The following ROBO1 variants were observed in gnomAD, a reference collection of about 807,000 sequenced individuals.
ROBO1 encodes the protein roundabout homolog 1.
A neutral mutation model predicts 195.9 loss-of-function variants in ROBO1; 149 were observed. That is an observed-to-expected ratio of 0.76 (90% CI 0.67 to 0.87). The LOEUF is 0.87. Among genes scored for constraint, ROBO1 ranks in the 40% least tolerant of loss-of-function variants. The probability of loss-of-function intolerance (pLI) is 0.00; values close to 1 mark genes in which losing one functional copy is unlikely to be tolerated. For synonymous variants in ROBO1, 816 were observed against 733.2 expected (o/e 1.11, Z -1.82); for missense variants, 1,933 against 2,068.3 (o/e 0.93, Z 1.27).
chr3:78,839,659 C>G (rs539626323), intron 4 of ROBO1, among the ~76,000 whole-genome samples: 4 of 152,122 alleles, frequency 2.6e-5, no homozygotes, highest in African/African-American at 9.7e-5. Context: ...CATGATTTAT[C>G]AACTTTAATC....
At chr3:78,734,651 T>C (rs555065465) in intron 5 of ROBO1, among the ~76,000 whole-genome samples, 1 of 151,886 alleles carries the variant, frequency 6.6e-6, no homozygotes, top group Admixed American at 6.6e-5. Context: ...CTCAGGAGAT[T>C]TAAGAGAATA....
intron 1 of ROBO1, among the ~76,000 whole-genome samples, chr3:79,621,524 A>G (rs1243332985): frequency 6.6e-6 from 1 of 152,192 alleles, no homozygotes; most frequent in African/African-American, 2.4e-5. Context: ...GAAGCATCAA[A>G]TCACCTATAA....
At chr3:79,465,658 C>T (rs945616569) in intron 2 of ROBO1, among the ~76,000 whole-genome samples, 1 of 152,048 alleles carries the variant, frequency 6.6e-6, no homozygotes, top group Non-Finnish European at 1.5e-5. Context: ...CTGACTGCTT[C>T]TAAAATATTT....
intron 1 of ROBO1, among the ~76,000 whole-genome samples, chr3:79,633,071 C>A (rs950470762): frequency 1.3e-5 from 2 of 151,558 alleles, no homozygotes; most frequent in Non-Finnish European, 2.9e-5. Context: ...ACATGTTATA[C>A]AATTACACAC....
chr3:78,645,415 T>A (rs1706215144), intron 21 of ROBO1, among the ~76,000 whole-genome samples: 1 of 150,450 alleles, frequency 6.6e-6, no homozygotes, highest in South Asian at 2.1e-4. Flanking sequence ...AAGATTTTTT[T>A]TTTTTTACAC....
At chr3:78,619,654 C>A (rs1203904507) in intron 26 of ROBO1, among the ~76,000 whole-genome samples, 1 of 151,880 alleles carries the variant, frequency 6.6e-6, no homozygotes, top group Non-Finnish European at 1.5e-5. Flanking sequence ...TCACTTTCTC[C>A]ATGCCACCAT....
intron 4 of ROBO1, among the ~76,000 whole-genome samples, chr3:78,922,922 A>G (rs1310418830): frequency 1.3e-5 from 2 of 152,128 alleles, no homozygotes; most frequent in African/African-American, 4.8e-5. Context: ...TCTTTCAGGC[A>G]CTAAGACTGC....
chr3:79,044,490 C>A (rs2078552756), intron 3 of ROBO1, among the ~76,000 whole-genome samples: 3 of 152,036 alleles, frequency 2.0e-5, no homozygotes, highest in Admixed American at 2.0e-4. Flanking sequence ...AGTATAATAT[C>A]TGGTTCCTCC....
intron 2 of ROBO1, among the ~76,000 whole-genome samples, chr3:79,517,391 A>G (rs1191965395): frequency 6.6e-6 from 1 of 152,138 alleles, no homozygotes; most frequent in African/African-American, 2.4e-5. Context: ...TTTGGGTGTG[A>G]GGAGAACTTA....
chr3:79,605,825 T>C lies in ROBO1; in HGVS notation c.-50-15864A>G, dbSNP rs924148174. Reference sequence around the variant, plus strand: ...TTTGTTTTTCTTATGGATGTGACAATTGTCGCCTAACCAGTTCCTCCATTC... The same window carrying C: ...TTTGTTTTTCTTATGGATGTGACAACTGTCGCCTAACCAGTTCCTCCATTC... On this transcript the variant is annotated intron_variant, in intron 1 of 30. Coordinates refer to ENST00000464233, the MANE Select transcript of ROBO1 (RefSeq NM_002941.4). Among the ~76,000 whole-genome samples the C allele has an allele frequency of 3.9e-5, 6 of 152,064 alleles. No individual in the cohort carries two copies. In the South Asian group the frequency reaches 1.0e-3, roughly 26 times the overall value.
At chr3:79,006,323 T>C (rs542812844) in intron 3 of ROBO1, among the ~76,000 whole-genome samples, 3 of 152,002 alleles carry the variant, frequency 2.0e-5, no homozygotes, top group Admixed American at 6.5e-5. Flanking sequence ...CTAGTAACCA[T>C]ACAAAGAAGA....
At chr3:79,708,372 T>G (rs574187942) in intron 1 of ROBO1, among the ~76,000 whole-genome samples, 1 of 152,318 alleles carries the variant, frequency 6.6e-6, no homozygotes, top group South Asian at 2.1e-4. Flanking sequence ...CAACATCAAC[T>G]GCATCTTTGA....
chr3:78,689,001 T>A (rs948219438), intron 8 of ROBO1, among the ~76,000 whole-genome samples: 3 of 152,172 alleles, frequency 2.0e-5, no homozygotes, highest in Non-Finnish European at 4.4e-5. Flanking sequence ...CCTTCTAAGA[T>A]TTAACCCACA....
At chr3:78,818,030 C>A (rs1053598398) in intron 4 of ROBO1, among the ~76,000 whole-genome samples, 1 of 152,194 alleles carries the variant, frequency 6.6e-6, no homozygotes, top group African/African-American at 2.4e-5. Context: ...CCAACCAAAA[C>A]CACTTGAACA....
At chr3:79,659,475 GAT>G (rs1946266217) in intron 1 of ROBO1, among the ~76,000 whole-genome samples, 1 of 152,008 alleles carries the variant, frequency 6.6e-6, no homozygotes, top group South Asian at 2.1e-4. Flanking sequence ...ATAAAGGTCT[GAT>G]AATTTTCAGT....
chr3:79,173,517 G>A (rs1015974505), intron 2 of ROBO1, among the ~76,000 whole-genome samples: 2 of 152,084 alleles, frequency 1.3e-5, no homozygotes, highest in Non-Finnish European at 2.9e-5. Flanking sequence ...GCCCCCAGCA[G>A]TGCCGGCCCA....
At chr3:78,822,065 A>G (rs1156430626) in intron 4 of ROBO1, among the ~76,000 whole-genome samples, 2 of 150,482 alleles carry the variant, frequency 1.3e-5, no homozygotes, top group Admixed American at 1.3e-4. Context: ...ATAATTATAC[A>G]TCAGTCTCTG....
chr3:79,617,544 C>T (rs1244871722), intron 1 of ROBO1, among the ~76,000 whole-genome samples: 3 of 151,860 alleles, frequency 2.0e-5, no homozygotes, highest in African/African-American at 7.3e-5. Flanking sequence ...ATATTACAGC[C>T]CCAGCATCAA....
intron 2 of ROBO1, among the ~76,000 whole-genome samples, chr3:79,464,159 T>A (rs1937816254): frequency 1.3e-5 from 2 of 152,204 alleles, no homozygotes; most frequent in Non-Finnish European, 2.9e-5. Flanking sequence ...TATATATTTG[T>A]CCATTCACCA....
Sources: allele counts gnomAD v4.1 joint callset (sites outside exome capture counted in the v4.1 genomes callset), GRCh38; gene constraint gnomAD v4.1.1; transcripts MANE v1.5; gene names NCBI Gene and HGNC (gene_info 2026-07-23, HGNC 2026-07-21).